The following FMR1NB variants were observed in gnomAD, a reference collection of about 807,000 sequenced individuals.
The protein encoded by FMR1NB is FMR1 neighbor protein.
Under a neutral mutation model 16.8 loss-of-function variants are expected in FMR1NB, and 10 were observed. The observed-to-expected ratio is 0.60, with a 90% CI of 0.37 to 1.01. The LOEUF (loss-of-function observed/expected upper bound fraction) is 1.01. Ranked by LOEUF, FMR1NB falls within the 50% of genes least tolerant of loss-of-function variation. The probability of loss-of-function intolerance (pLI) is 0.01; values close to 1 mark genes in which losing one functional copy is unlikely to be tolerated. For missense variants in FMR1NB, 205 were observed against 204.8 expected (o/e 1.00, Z 0.00); for synonymous variants, 83 against 79.1 (o/e 1.05, Z -0.26).
intron 1 of FMR1NB, among the ~76,000 whole-genome samples, chrX:147,995,591 TTCAG>T (rs2044537785): frequency 8.9e-6 from 1 of 112,374 alleles, no homozygotes; most frequent in Admixed American, 9.4e-5. Flanking sequence ...CTGTAACCTA[TTCAG>T]TCAGTCCTAA....
chrX:148,004,447 T>C (rs1557188895), intron 2 of FMR1NB, among the ~76,000 whole-genome samples: 3 of 112,235 alleles, frequency 2.7e-5, no homozygotes, highest in Non-Finnish European at 5.6e-5. Context: ...TCAAAATCAA[T>C]TATATGAAGT....
At chrX:148,006,620 T>C (rs1313462319) in intron 2 of FMR1NB, 82 bp from the exon 3 acceptor site, 20 of 1,036,632 alleles carry the variant, frequency 1.9e-5, no homozygotes, top group Non-Finnish European at 2.6e-5. Context: ...CTTTTCTTCT[T>C]TGTCTTCCAG....
chrX:147,989,902 G>C (rs1216308149), intron 1 of FMR1NB, among the ~76,000 whole-genome samples: 1 of 111,137 alleles, frequency 9.0e-6, no homozygotes, highest in Non-Finnish European at 1.9e-5. Context: ...CTGGCAGGGA[G>C]AAATTCAAGC....
chrX:147,992,333 A>G (rs113545942), intron 1 of FMR1NB, among the ~76,000 whole-genome samples: 19,923 of 59,053 alleles, frequency 0.34, 3,387 homozygotes, highest in East Asian at 0.64. Flanking sequence ...CTGGCCGGGC[A>G]GGGGGCTGAC....
intron 1 of FMR1NB, among the ~76,000 whole-genome samples, chrX:148,001,497 A>G (rs1265762704): frequency 9.0e-6 from 1 of 111,681 alleles, no homozygotes; most frequent in Non-Finnish European, 1.9e-5. Context: ...ACATAATGAC[A>G]TAAGATAGGC....
In FMR1NB at chrX:148,019,271, T is replaced by G. The variant is rs190799474; in HGVS notation, c.633-5594T>G. Among the ~76,000 whole-genome samples the G allele has an allele frequency of 2.6e-3, 297 of 112,635 alleles. 3 individuals are homozygous for G. The highest frequency in any genetic ancestry group is 9.2e-3 in the African/African-American group (285 of 31,006). Reference sequence around the variant, plus strand: ...ATTATTTTTAATTATTTCAACCTCTTTTTTCAGTTTGTCTGATATAATTAT... The same window carrying G: ...ATTATTTTTAATTATTTCAACCTCTGTTTTCAGTTTGTCTGATATAATTAT... On this transcript the variant is annotated intron_variant, in intron 4 of 5. Transcript: ENST00000370467.
intron 1 of FMR1NB, among the ~76,000 whole-genome samples, chrX:148,000,442 G>C (rs2044564918): frequency 8.9e-6 from 1 of 111,978 alleles, no homozygotes; most frequent in East Asian, 2.8e-4. Context: ...AAAATTTACA[G>C]ATGTAGCACA....
chrX:148,002,134 C>T (rs145025646), intron 1 of FMR1NB, among the ~76,000 whole-genome samples: 1,587 of 111,254 alleles, frequency 0.014, 29 homozygotes, highest in African/African-American at 0.049. Context: ...AGCTTCTGAG[C>T]TTCCCAAACA....
intron 1 of FMR1NB, among the ~76,000 whole-genome samples, chrX:147,988,434 C>G (rs1194198271): frequency 9.0e-6 from 1 of 111,633 alleles, no homozygotes; most frequent in African/African-American, 3.3e-5. Context: ...TCTTGCTGCT[C>G]TTAACATTTT....
At chrX:147,994,187 G>A (rs782247883) in intron 1 of FMR1NB, among the ~76,000 whole-genome samples, 2 of 111,142 alleles carry the variant, frequency 1.8e-5, no homozygotes, top group African/African-American at 6.6e-5. Flanking sequence ...CTTTCTCCCT[G>A]CTCTCCCTAG....
chrX:148,018,814 A>G (rs2044664289), intron 4 of FMR1NB, among the ~76,000 whole-genome samples: 1 of 111,855 alleles, frequency 8.9e-6, no homozygotes, highest in African/African-American at 3.3e-5. Context: ...AAAAGACAAA[A>G]TTGACAAATG....
intron 1 of FMR1NB, among the ~76,000 whole-genome samples, chrX:148,001,548 G>T (rs1318668303): frequency 9.1e-6 from 1 of 110,457 alleles, no homozygotes; most frequent in Non-Finnish European, 1.9e-5. Context: ...GGTGGATCAC[G>T]ATACCAGCCT....
At chrX:148,017,976 T>G (rs1333954984) in intron 4 of FMR1NB, among the ~76,000 whole-genome samples, 4 of 106,554 alleles carry the variant, frequency 3.8e-5, no homozygotes, top group Non-Finnish European at 7.7e-5. Flanking sequence ...TCTTTGCTAT[T>G]GTGAATAGTG....
intron 1 of FMR1NB, among the ~76,000 whole-genome samples, chrX:148,002,280 A>G (rs191226776): frequency 6.2e-4 from 69 of 111,753 alleles, no homozygotes; most frequent in Admixed American, 3.7e-3. Context: ...GCAAATTAAA[A>G]CAAAAGATAT....
chrX:147,983,930 C>A (rs1269755083), intron 1 of FMR1NB, among the ~76,000 whole-genome samples: 1 of 111,060 alleles, frequency 9.0e-6, no homozygotes, highest in East Asian at 2.8e-4. Flanking sequence ...AAGGGTCCAA[C>A]TTCATTCTTT....
chrX:148,011,189 G>C (rs1347974695), intron 4 of FMR1NB, among the ~76,000 whole-genome samples: 3 of 110,498 alleles, frequency 2.7e-5, no homozygotes, highest in Non-Finnish European at 5.7e-5. Flanking sequence ...GCTTGAACCC[G>C]GGAGGCGGCA....
chrX:148,024,875 G>T lies in FMR1NB; in HGVS notation c.643G>T (p.Asp215Tyr), dbSNP rs782765066. 15 of 1,207,497 alleles carry T rather than the reference G, an allele frequency of 1.2e-5. No individual in the cohort carries two copies. The Admixed American group carries it at 3.3e-4, about 27-fold the overall frequency. The change falls in exon 5 of 6, where the codon GAT becomes TAT. Residue 215 changes from aspartate (D) to tyrosine (Y), a missense_variant. By Grantham distance (160) the Asp-to-Tyr change is radical (BLOSUM62 -3). Coordinates refer to ENST00000370467, the MANE Select transcript of FMR1NB (RefSeq NM_152578.3). ...RSLFWRSEPADDLQRQDNRVV... is the reference protein window; with the variant it reads ...RSLFWRSEPAYDLQRQDNRVV... ...CTTTTTATGTTACAGCGAACCGGCCGATGATTTACAAAGGCAGGACAACAG... is the reference window on the plus strand; with the variant it reads ...CTTTTTATGTTACAGCGAACCGGCCTATGATTTACAAAGGCAGGACAACAG...
intron 4 of FMR1NB, among the ~76,000 whole-genome samples, chrX:148,010,596 A>G (rs1214627129): frequency 8.9e-6 from 1 of 111,952 alleles, no homozygotes; most frequent in African/African-American, 3.2e-5. Context: ...ATATTAGGGT[A>G]GGTAAAATAA....
intron 1 of FMR1NB, among the ~76,000 whole-genome samples, 157 bp downstream of exon 1, chrX:147,981,836 C>T (rs782623785): frequency 2.7e-5 from 3 of 111,683 alleles, no homozygotes; most frequent in Admixed American, 1.9e-4. Flanking sequence ...CTATCCTCAG[C>T]AGTCCTTACA....
Sources: gnomAD v4.1 joint callset for allele counts (sites outside exome capture counted in the v4.1 genomes callset) on GRCh38, gnomAD v4.1.1 for gene constraint, MANE v1.5 for transcripts, NCBI Gene and HGNC (gene_info 2026-07-23, HGNC 2026-07-21) for gene names.